Variants in COX5A observed in about 807,000 individuals in gnomAD.
COX5A encodes cytochrome c oxidase subunit 5A, mitochondrial.
A neutral mutation model predicts 16.1 loss-of-function variants in COX5A; 6 were observed. The ratio of observed to expected loss-of-function variants is 0.37; its 90% CI spans 0.20 to 0.73. COX5A has a LOEUF of 0.73. Ranked by LOEUF, COX5A falls within the 30% of genes least tolerant of loss-of-function variation. The pLI is 0.50. For synonymous variants in COX5A, 73 were observed against 73.8 expected (o/e 0.99, Z 0.06); for missense variants, 159 against 194.9 (o/e 0.82, Z 1.10).
At chr15:74,926,307 T>C (rs1026568679) in intron 3 of COX5A, among the ~76,000 whole-genome samples, 2 of 151,888 alleles carry the variant, frequency 1.3e-5, no homozygotes, top group Non-Finnish European at 2.9e-5. Flanking sequence ...CCCAAAGAGC[T>C]GGGATTACAG....
chr15:74,920,909 G>A (rs950759542), intron 4 of COX5A, among the ~76,000 whole-genome samples: 3 of 151,736 alleles, frequency 2.0e-5, no homozygotes, highest in Non-Finnish European at 2.9e-5. Context: ...ACCGGGAGGC[G>A]GAGGTTGGAG....
At chr15:74,934,992 T>C (rs907900244) in intron 1 of COX5A, among the ~76,000 whole-genome samples, 1 of 152,182 alleles carries the variant, frequency 6.6e-6, no homozygotes, top group African/African-American at 2.4e-5. Context: ...GGCTAACATA[T>C]ATAGAAAAAT....
intron 2 of COX5A, 82 bp downstream of exon 2, chr15:74,929,034 G>C: frequency 2.0e-6 from 2 of 994,680 alleles, no homozygotes; most frequent in Non-Finnish European, 3.2e-6. Context: ...GCATGTTTTC[G>C]AAACAGTTGC....
chr15:74,933,420 TATC>T (rs1282058086), intron 1 of COX5A, among the ~76,000 whole-genome samples: 3 of 46,490 alleles, frequency 6.5e-5, no homozygotes, highest in Admixed American at 1.9e-4. Context: ...AAAAAAAAAA[TATC>T]TATCTATCTA....
chr15:74,925,061 G>A (rs577514037), intron 3 of COX5A, among the ~76,000 whole-genome samples: 96 of 152,254 alleles, frequency 6.3e-4, no homozygotes, highest in Admixed American at 1.4e-3. Context: ...GGTGGCTCAC[G>A]CCTGTAATCC....
chr15:74,921,107 T>C (rs903536036), intron 4 of COX5A, among the ~76,000 whole-genome samples: 5 of 152,170 alleles, frequency 3.3e-5, no homozygotes, highest in Non-Finnish European at 5.9e-5. Flanking sequence ...AGGAGTTCAT[T>C]ATAGAATATG....
At chr15:74,922,525 T>C (rs1041633562) in intron 4 of COX5A, among the ~76,000 whole-genome samples, 5 of 152,156 alleles carry the variant, frequency 3.3e-5, no homozygotes, top group Non-Finnish European at 7.3e-5. Flanking sequence ...TTTAATTAAC[T>C]AAAGGAGACA....
intron 1 of COX5A, among the ~76,000 whole-genome samples, chr15:74,932,105 T>C (rs1334625120): frequency 1.3e-5 from 2 of 152,200 alleles, no homozygotes; most frequent in South Asian, 2.1e-4. Flanking sequence ...TAGCAGATTA[T>C]GAAGATTAAA....
intron 1 of COX5A, among the ~76,000 whole-genome samples, chr15:74,935,740 G>A (rs995927162): frequency 3.3e-5 from 5 of 151,318 alleles, no homozygotes; most frequent in African/African-American, 4.9e-5. Context: ...CCACGTGTGC[G>A]TGCCACCACA....
In COX5A at chr15:74,919,990, T is replaced by C. The variant is rs1321059075; in HGVS notation, c.*462A>G. On this transcript the variant is annotated 3_prime_UTR_variant, in exon 5 of 5. Coordinates refer to ENST00000322347, the MANE Select transcript of COX5A (RefSeq NM_004255.4). ...TCTCAGTGACCACTTTTAAACATCA[T>C]TAAAACCTGTTTTGGAAAGGTACAC... The C allele has an allele frequency of 9.1e-6, 2 of 220,524 alleles. No homozygotes were observed. Among genetic ancestry groups the C allele is most frequent in the African/African-American group, 4.7e-5 (2 of 42,458 alleles). The allele number at this position is 220,524 out of a possible 1,614,324, so 13.7% of individuals were successfully genotyped here. A position where few individuals can be genotyped will look rare whatever the true frequency, so the allele number is the denominator to read the frequency against.
At chr15:74,921,136 G>A (rs1201793954) in intron 4 of COX5A, among the ~76,000 whole-genome samples, 2 of 152,096 alleles carry the variant, frequency 1.3e-5, no homozygotes, top group Non-Finnish European at 2.9e-5. Flanking sequence ...GGCTGGGCGC[G>A]GTGGCTCACG....
intron 1 of COX5A, among the ~76,000 whole-genome samples, chr15:74,934,724 A>G (rs1299932442): frequency 6.6e-6 from 1 of 152,102 alleles, no homozygotes; most frequent in African/African-American, 2.4e-5. Flanking sequence ...AACTTTTTTT[A>G]GGTAAACTCT....
At chr15:74,936,328 G>C (rs1336274458) in intron 1 of COX5A, among the ~76,000 whole-genome samples, 1 of 151,532 alleles carries the variant, frequency 6.6e-6, no homozygotes, top group Non-Finnish European at 1.5e-5. Context: ...AAAAAACAAG[G>C]AGTCAGTTTC....
intron 3 of COX5A, among the ~76,000 whole-genome samples, chr15:74,924,075 G>A (rs1259053686): frequency 6.6e-6 from 1 of 152,074 alleles, no homozygotes; most frequent in Non-Finnish European, 1.5e-5. Context: ...AGCTACTCGG[G>A]AGGCTGAGGC....
rs569423287 is a variant in COX5A at position 74,927,984 on chromosome 15, CATA to C, written c.218-1100_218-1098del. On this transcript the variant is annotated intron_variant, in intron 2 of 4. Transcript: ENST00000322347. The stretch of plus-strand genomic sequence containing the variant: ...ACTTTCAGATCTGCACAAAATGACA[CATA>C]ATAAAATTTAAGATTCTCTTAATGG... Among the ~76,000 whole-genome samples, 4 of 152,278 alleles carry C rather than the reference CATA, an allele frequency of 2.6e-5. No individual in the cohort carries two copies. In the South Asian group the frequency reaches 6.2e-4, roughly 24 times the overall value.
At chr15:74,932,341 A>AT (rs1431643134) in intron 1 of COX5A, among the ~76,000 whole-genome samples, 1 of 145,748 alleles carries the variant, frequency 6.9e-6, no homozygotes, top group East Asian at 2.5e-4. Context: ...ACTTTTAGAG[A>AT]TGGGGGTCTT....
Position 74,923,674 on chromosome 15 carries a change from C to A in COX5A, c.436G>T (p.Gly146Cys), listed in dbSNP as rs1265430654. The stretch of plus-strand genomic sequence containing the variant: ...CATGCGGTTTACACTTTGTCAAGGC[C>A]CAGTTCCTCCGGAGTGGAGATTCCC... The part of the protein sequence containing the change: ...ELGISTPEEL[G>C]LDKV Residue 146 changes from glycine (G) to cysteine (C), a missense_variant, in exon 4 of 5, where the codon GGC (glycine) becomes TGC (cysteine). Transcript: ENST00000322347. 1 of 1,610,290 alleles carries A rather than the reference C, an allele frequency of 6.2e-7. No homozygotes were observed. Among genetic ancestry groups the A allele is most frequent in the Admixed American group, 1.7e-5 (1 of 60,006 alleles).
In COX5A at chr15:74,920,450, A is replaced by G. The variant is rs965047414; in HGVS notation, c.*10-8T>C. 3.5e-5 allele frequency: 24 copies of G among 689,790 alleles called. No individual in the cohort carries two copies. The highest frequency in any genetic ancestry group is 5.8e-5 in the Non-Finnish European group (22 of 381,818). The allele number at this position is 689,790 out of a possible 1,614,324, so 42.7% of individuals were successfully genotyped here. A position where few individuals can be genotyped will look rare whatever the true frequency, so the allele number is the denominator to read the frequency against. ...ATCCTTGGGGAAGCCCATCTGTAAGAGAAAACACAAAGAATTAGCCAGGAA... is the reference window on the plus strand; with the variant it reads ...ATCCTTGGGGAAGCCCATCTGTAAGGGAAAACACAAAGAATTAGCCAGGAA... On this transcript the variant is annotated splice_polypyrimidine_tract_variant and splice_region_variant and intron_variant, in intron 4 of 4. Transcript: ENST00000322347.
At chr15:74,930,660 C>A (rs1415408076) in intron 1 of COX5A, among the ~76,000 whole-genome samples, 6 of 149,844 alleles carry the variant, frequency 4.0e-5, no homozygotes, top group Non-Finnish European at 7.4e-5. Flanking sequence ...AGGTGTGAGC[C>A]ACCAGCCCTG....
Sources: allele counts gnomAD v4.1 joint callset (sites outside exome capture counted in the v4.1 genomes callset), GRCh38; gene constraint gnomAD v4.1.1; transcripts MANE v1.5; gene names NCBI Gene and HGNC (gene_info 2026-07-23, HGNC 2026-07-21).